Variants in MACROD1 observed in about 807,000 individuals in gnomAD.
MACROD1 encodes the protein ADP-ribose glycohydrolase MACROD1.
In MACROD1, 31 loss-of-function variants were observed where a neutral mutation model predicts 41.4. That is an observed-to-expected ratio of 0.75 (90% CI 0.56 to 1.01). MACROD1 has a LOEUF of 1.01. MACROD1 is among the 50% of genes least tolerant of loss of function. MACROD1 has a pLI of 0.00. For missense variants in MACROD1, 473 were observed against 460.0 expected (o/e 1.03, Z -0.26); for synonymous variants, 252 against 203.4 (o/e 1.24, Z -2.03).
At chr11:64,092,026 G>T (rs566406098) in intron 3 of MACROD1, among the ~76,000 whole-genome samples, 1 of 152,320 alleles carries the variant, frequency 6.6e-6, no homozygotes, top group Admixed American at 6.5e-5. Flanking sequence ...CGTGATCTCA[G>T]CTCCTGAGGG....
intron 3 of MACROD1, among the ~76,000 whole-genome samples, chr11:64,084,356 G>A (rs760065996): frequency 2.6e-5 from 4 of 152,160 alleles, no homozygotes; most frequent in African/African-American, 7.2e-5. Context: ...CCCCTGCCAC[G>A]TGCTCTGCCC....
At chr11:64,077,610 G>C (rs560332586) in intron 3 of MACROD1, among the ~76,000 whole-genome samples, 2 of 152,084 alleles carry the variant, frequency 1.3e-5, no homozygotes, top group African/African-American at 4.8e-5. Context: ...ACAGACTGAC[G>C]GGCACACACG....
intron 3 of MACROD1, among the ~76,000 whole-genome samples, chr11:64,069,944 G>A (rs373483858): frequency 3.3e-5 from 5 of 152,120 alleles, no homozygotes; most frequent in East Asian, 3.9e-4. Flanking sequence ...AGCCCGACTC[G>A]CGCCCAGTGG....
At chr11:64,073,216 G>A (rs78433487) in intron 3 of MACROD1, among the ~76,000 whole-genome samples, 6,750 of 152,270 alleles carry the variant, frequency 0.044, 217 homozygotes, top group South Asian at 0.12. Flanking sequence ...CCCCTCATCC[G>A]GCCATCGGTT....
At chr11:64,050,227 G>A (rs376527451) in intron 3 of MACROD1, among the ~76,000 whole-genome samples, 41 of 152,198 alleles carry the variant, frequency 2.7e-4, no homozygotes, top group Middle Eastern at 3.4e-3. Context: ...AGGGAGGGCC[G>A]ATGACCCATC....
rs1486697568 is a variant in MACROD1 at position 64,047,937 on chromosome 11, G to GC, written c.518-32657dup. On this transcript the variant is annotated intron_variant, in intron 3 of 10. Transcript: ENST00000255681. ...AAAAGGAAGGAAGCAGGAAAGCAGAGCCCCAGCCCTGCAGCAACTTCCTGG... is the reference window on the plus strand; with the variant it reads ...AAAAGGAAGGAAGCAGGAAAGCAGAGCCCCCAGCCCTGCAGCAACTTCCTGG... Among the ~76,000 whole-genome samples, 2 of 151,306 alleles carry GC rather than the reference G, an allele frequency of 1.3e-5. 1 individual carries two copies. The highest frequency in any genetic ancestry group is 3.9e-4 in the East Asian group (2 of 5,172).
intron 3 of MACROD1, among the ~76,000 whole-genome samples, chr11:64,047,679 C>T (rs139906212): frequency 0.022 from 3,312 of 152,082 alleles, 115 homozygotes; most frequent in African/African-American, 0.074. Context: ...GATGGATCAC[C>T]TCAGGTCAGG....
intron 4 of MACROD1, among the ~76,000 whole-genome samples, chr11:64,013,487 GGGT>G (rs1376534349): frequency 2.0e-5 from 3 of 152,254 alleles, no homozygotes; most frequent in Non-Finnish European, 2.9e-5. Flanking sequence ...AGGGAGGCCA[GGGT>G]GGCCGGAGCA....
At chr11:64,078,054 C>A (rs573785320) in intron 3 of MACROD1, among the ~76,000 whole-genome samples, 16 of 152,328 alleles carry the variant, frequency 1.1e-4, no homozygotes, top group African/African-American at 3.8e-4. Context: ...GGAGGTACAG[C>A]AGCTCTGGGA....
rs1202586705 is a variant in MACROD1 at position 64,146,157 on chromosome 11, T to C, written c.517+5082A>G. Among the ~76,000 whole-genome samples the C allele has an allele frequency of 6.6e-6, 1 of 152,142 alleles. No homozygotes were observed. Among genetic ancestry groups the C allele is most frequent in the Non-Finnish European group, 1.5e-5 (1 of 68,020 alleles). On this transcript the variant is annotated intron_variant, in intron 3 of 10. Coordinates refer to ENST00000255681, the MANE Select transcript of MACROD1 (RefSeq NM_014067.4). This position sits in a 1 kb window ranked among gnomAD's most constrained non-coding sequence, Gnocchi z 4.7. The stretch of plus-strand genomic sequence containing the variant: ...AACAAGAAGTCCACACACACAGGTC[T>C]GGTGCACCAGGAAACTCAAGGGCAG...
intron 3 of MACROD1, among the ~76,000 whole-genome samples, chr11:64,125,706 G>T (rs938315961): frequency 3.3e-5 from 5 of 152,232 alleles, no homozygotes; most frequent in African/African-American, 1.2e-4. Context: ...AGATCCGGTG[G>T]CTGCCCCAAC....
chr11:63,999,494 G>A, intron 7 of MACROD1, 36 bp downstream of exon 7: 2 of 1,590,918 alleles, frequency 1.3e-6, no homozygotes, highest in Non-Finnish European at 1.7e-6. Context: ...TGGGTCCACC[G>A]CCCACTCCTG....
chr11:64,086,098 C>T (rs1944389330), intron 3 of MACROD1, among the ~76,000 whole-genome samples: 1 of 152,188 alleles, frequency 6.6e-6, no homozygotes, highest in South Asian at 2.1e-4. Context: ...TCGGCTGGGC[C>T]AGGCCATGAG....
At chr11:64,158,682 T>C (rs1945706445) in intron 1 of MACROD1, among the ~76,000 whole-genome samples, 1 of 151,972 alleles carries the variant, frequency 6.6e-6, no homozygotes, top group African/African-American at 2.4e-5. Flanking sequence ...CCCTGCTCTT[T>C]GTGGCTCACA....
chr11:64,018,867 T>C (rs1943116445), intron 3 of MACROD1, among the ~76,000 whole-genome samples: 1 of 152,210 alleles, frequency 6.6e-6, no homozygotes, highest in African/African-American at 2.4e-5. Flanking sequence ...CAAAGGGCTC[T>C]TCTTGCTGAA....
intron 3 of MACROD1, among the ~76,000 whole-genome samples, chr11:64,019,495 G>T (rs2134347423): frequency 6.6e-6 from 1 of 152,368 alleles, no homozygotes; most frequent in South Asian, 2.1e-4. Flanking sequence ...AGCCTAGTTA[G>T]AGGCTAGCAG....
At chr11:64,143,021 G>A (rs1945435093) in intron 3 of MACROD1, among the ~76,000 whole-genome samples, 1 of 151,482 alleles carries the variant, frequency 6.6e-6, no homozygotes, top group African/African-American at 2.4e-5. Context: ...TGCTGAGATG[G>A]GAGGAACGCT....
At chr11:64,034,933 G>A (rs1380736412) in intron 3 of MACROD1, among the ~76,000 whole-genome samples, 2 of 152,154 alleles carry the variant, frequency 1.3e-5, no homozygotes, top group African/African-American at 4.8e-5. Context: ...CCAAGAGCAC[G>A]GGGACTTTCA....
chr11:64,051,751 C>G (rs183292214), intron 3 of MACROD1, among the ~76,000 whole-genome samples: 117 of 152,266 alleles, frequency 7.7e-4, no homozygotes, highest in African/African-American at 2.7e-3. Flanking sequence ...GCCCTGCGGC[C>G]CAGTCCCTCT....
Sources: allele counts gnomAD v4.1 joint callset (sites outside exome capture counted in the v4.1 genomes callset), GRCh38; gene constraint gnomAD v4.1.1; non-coding constraint Gnocchi (gnomAD v3.1); transcripts MANE v1.5; gene names NCBI Gene and HGNC (gene_info 2026-07-23, HGNC 2026-07-21).